The following MAP3K5 variants were observed in gnomAD, a reference collection of about 807,000 sequenced individuals.
MAP3K5 encodes mitogen-activated protein kinase kinase kinase 5.
MAP3K5 carries 56 observed loss-of-function variants against 158.7 expected under a neutral mutation model. That is an observed-to-expected ratio of 0.35 (90% CI 0.28 to 0.44). The LOEUF (loss-of-function observed/expected upper bound fraction) is 0.44. Ranked by LOEUF, MAP3K5 falls within the 20% of genes least tolerant of loss-of-function variation. The pLI is 1.00. For missense variants in MAP3K5, 1,294 were observed against 1,674.8 expected (o/e 0.77, Z 3.97); for synonymous variants, 579 against 601.7 (o/e 0.96, Z 0.55).
At chr6:136,592,784 A>T in intron 21 of MAP3K5, 170 bp from the exon 22 acceptor site, 1 of 707,966 alleles carries the variant, frequency 1.4e-6, no homozygotes, top group Non-Finnish European at 2.5e-6. Flanking sequence ...TCCCTTGCTC[A>T]GCATAACCCA....
At chr6:136,623,607 G>A (rs902722140) in intron 14 of MAP3K5, among the ~76,000 whole-genome samples, 2 of 152,178 alleles carry the variant, frequency 1.3e-5, no homozygotes, top group African/African-American at 2.4e-5. Flanking sequence ...AAACTGTCAA[G>A]TATGTCAGCC....
intron 11 of MAP3K5, among the ~76,000 whole-genome samples, chr6:136,644,986 T>C (rs1197586086): frequency 6.6e-6 from 1 of 152,084 alleles, no homozygotes; most frequent in African/African-American, 2.4e-5. Context: ...TGGAGTGTAG[T>C]GGGGTAATCA....
intron 25 of MAP3K5, among the ~76,000 whole-genome samples, chr6:136,576,802 G>C (rs954213752): frequency 1.3e-5 from 2 of 152,176 alleles, no homozygotes; most frequent in Non-Finnish European, 2.9e-5. Flanking sequence ...ATATATTACA[G>C]TGGTCCCATA....
At chr6:136,762,534 A>AG (rs1366287701) in intron 1 of MAP3K5, among the ~76,000 whole-genome samples, 1 of 152,118 alleles carries the variant, frequency 6.6e-6, no homozygotes, top group Non-Finnish European at 1.5e-5. Flanking sequence ...TGTGAGGGTA[A>AG]GGGGGGAAGA....
chr6:136,614,156 T>C lies in MAP3K5; in HGVS notation c.2278+3A>G. 1.9e-6 allele frequency: 3 copies of C among 1,610,384 alleles called. No homozygotes were observed. Among genetic ancestry groups the C allele is most frequent in the Non-Finnish European group, 2.5e-6 (3 of 1,178,670 alleles). On this transcript the variant is annotated splice_donor_region_variant and intron_variant, in intron 16 of 29. Transcript: ENST00000359015. ...ACTTTTTAAAGAAAGAAATATCTCT[T>C]ACCTCCAGGGACCTGCTCCATGAAG...
intron 7 of MAP3K5, among the ~76,000 whole-genome samples, chr6:136,684,175 G>A (rs537919141): frequency 1.1e-4 from 16 of 151,848 alleles, no homozygotes; most frequent in South Asian, 2.1e-4. Context: ...GGGCTGCAGC[G>A]AGCTGTGATC....
At chr6:136,712,938 CTG>C (rs914018099) in intron 2 of MAP3K5, among the ~76,000 whole-genome samples, 12 of 152,208 alleles carry the variant, frequency 7.9e-5, no homozygotes, top group African/African-American at 2.9e-4. Context: ...CCACATAGAA[CTG>C]TGAGTCCATT....
chr6:136,703,786 A>C (rs1780953729), intron 3 of MAP3K5, among the ~76,000 whole-genome samples: 2 of 152,248 alleles, frequency 1.3e-5, no homozygotes, highest in African/African-American at 4.8e-5. Context: ...TCAGAGTTGT[A>C]TAATCACTAC....
At chr6:136,773,954 C>T (rs1784309430) in intron 1 of MAP3K5, among the ~76,000 whole-genome samples, 1 of 152,130 alleles carries the variant, frequency 6.6e-6, no homozygotes, top group Non-Finnish European at 1.5e-5. Flanking sequence ...GTCACCATGC[C>T]CCGCCGTCCA....
At position 136,583,609 on chromosome 6, in the gene MAP3K5, G is replaced by T. The variant is rs747262443; in HGVS notation, c.3357C>A (p.Phe1119Leu). 15 of 1,614,058 alleles carry T rather than the reference G, an allele frequency of 9.3e-6. No homozygotes were observed. The highest frequency in any genetic ancestry group is 1.3e-5 in the Non-Finnish European group (15 of 1,180,038). Residue 1119 changes from phenylalanine to leucine, a missense_variant, in exon 24 of 30, where the codon TTC becomes TTA. Physicochemically the swap from Phe to Leu is conservative, Grantham distance 22 (BLOSUM62 0). Coordinates refer to ENST00000359015, the MANE Select transcript of MAP3K5 (RefSeq NM_005923.4). ...GGACTTGGCTAATGCCATGGCTGTC[G>T]AAGTCCAGCTCCAGTTTCAGCTTTG... ...TLSKLKLELD[F>L]DSHGISQVQV...
chr6:136,594,970 G>A (rs761181198), intron 21 of MAP3K5, among the ~76,000 whole-genome samples: 80 of 152,236 alleles, frequency 5.3e-4, no homozygotes, highest in East Asian at 3.9e-4. Flanking sequence ...TGTGACTACC[G>A]ACTGCCTAAA....
At chr6:136,616,702 C>T (rs1431996441) in intron 15 of MAP3K5, among the ~76,000 whole-genome samples, 2 of 151,098 alleles carry the variant, frequency 1.3e-5, no homozygotes, top group Admixed American at 6.6e-5. Context: ...TCAAGTAACT[C>T]GATGATGATG....
chr6:136,709,875 TG>T (rs1338367358), intron 2 of MAP3K5, among the ~76,000 whole-genome samples: 1 of 152,060 alleles, frequency 6.6e-6, no homozygotes. Context: ...GAGGCCACAG[TG>T]AGCTATGATC....
At chr6:136,717,554 C>T (rs550655184) in intron 2 of MAP3K5, among the ~76,000 whole-genome samples, 3 of 152,304 alleles carry the variant, frequency 2.0e-5, no homozygotes, top group African/African-American at 7.2e-5. Context: ...CAGAGAAATG[C>T]TTTGTTTTTA....
chr6:136,621,014 G>A lies in MAP3K5; in HGVS notation c.2150+1834C>T, dbSNP rs535504761. Among the ~76,000 whole-genome samples, 5 of 152,260 alleles carry A rather than the reference G, an allele frequency of 3.3e-5. No homozygotes were observed. The East Asian group carries it at 7.7e-4, about 23-fold the overall frequency. ...AACTCATTTCTTCAAGCATAGGTTGGTGCAAAAGTAATTGCGGTTTTTGCC... is the reference window on the plus strand; with the variant it reads ...AACTCATTTCTTCAAGCATAGGTTGATGCAAAAGTAATTGCGGTTTTTGCC... On this transcript the variant is annotated intron_variant, in intron 15 of 29. Coordinates refer to ENST00000359015, the MANE Select transcript of MAP3K5 (RefSeq NM_005923.4).
At position 136,672,695 on chromosome 6, in the gene MAP3K5, C is replaced by T. The variant is rs75230586; in HGVS notation, c.1254-3300G>A. 9.2e-3 allele frequency among the ~76,000 whole-genome samples: 1,401 copies of T among 152,056 alleles called. 18 individuals carry two copies. The highest frequency in any genetic ancestry group is 0.033 in the African/African-American group (1,354 of 41,490). Reference sequence around the variant, plus strand: ...CAACAACCATAGGAAAAAAGTCTTCCCTTTAAGAAATTTACCACATTTTGG... The same window carrying T: ...CAACAACCATAGGAAAAAAGTCTTCTCTTTAAGAAATTTACCACATTTTGG... On this transcript the variant is annotated intron_variant, in intron 7 of 29. Coordinates refer to ENST00000359015, the MANE Select transcript of MAP3K5 (RefSeq NM_005923.4).
At chr6:136,740,517 CTT>C (rs1392800533) in intron 1 of MAP3K5, among the ~76,000 whole-genome samples, 1 of 152,164 alleles carries the variant, frequency 6.6e-6, no homozygotes, top group Non-Finnish European at 1.5e-5. Context: ...CCCAAATACT[CTT>C]TGGAAACTGG....
At chr6:136,707,633 G>C (rs1045229361) in intron 2 of MAP3K5, among the ~76,000 whole-genome samples, 2 of 152,170 alleles carry the variant, frequency 1.3e-5, no homozygotes, top group Non-Finnish European at 1.5e-5. Context: ...CAAAAAGTAA[G>C]ATTAGAAAGC....
chr6:136,634,431 C>T (rs1311657238), intron 14 of MAP3K5, among the ~76,000 whole-genome samples: 1 of 152,060 alleles, frequency 6.6e-6, no homozygotes, highest in African/African-American at 2.4e-5. Context: ...GCAAACTAAG[C>T]CAAGACTCTT....
Sources: allele counts gnomAD v4.1 joint callset (sites outside exome capture counted in the v4.1 genomes callset), GRCh38; gene constraint gnomAD v4.1.1; transcripts MANE v1.5; gene names NCBI Gene and HGNC (gene_info 2026-07-23, HGNC 2026-07-21).